The following SRBD1 variants were observed in gnomAD, a reference collection of about 807,000 sequenced individuals.
SRBD1 encodes S1 RNA binding domain 1.
In SRBD1, 88 loss-of-function variants were observed where a neutral mutation model predicts 115.3. That is an observed-to-expected ratio of 0.76 (90% CI 0.64 to 0.91). The LOEUF is 0.91. Ranked by LOEUF, SRBD1 falls within the 40% of genes least tolerant of loss-of-function variation. The probability of loss-of-function intolerance (pLI) is 0.00; values close to 1 mark genes in which losing one functional copy is unlikely to be tolerated. For synonymous variants in SRBD1, 509 were observed against 407.7 expected (o/e 1.25, Z -2.99); for missense variants, 1,385 against 1,177.4 (o/e 1.18, Z -2.58).
At chr2:45,485,846 T>C (rs562908236) in intron 15 of SRBD1, among the ~76,000 whole-genome samples, 70 of 152,014 alleles carry the variant, frequency 4.6e-4, no homozygotes, top group Non-Finnish European at 5.4e-4. Context: ...CAATGAGAAA[T>C]AGGAATTGAA....
chr2:45,477,697 G>C (rs1480106564), intron 15 of SRBD1, among the ~76,000 whole-genome samples: 1 of 152,146 alleles, frequency 6.6e-6, no homozygotes, highest in Admixed American at 6.6e-5. Flanking sequence ...TTAGAGGCAT[G>C]AGCTACTGCG....
At chr2:45,427,427 GAATATT>G (rs1322987058) in intron 16 of SRBD1, among the ~76,000 whole-genome samples, 2 of 146,358 alleles carry the variant, frequency 1.4e-5, no homozygotes, top group African/African-American at 5.1e-5. Context: ...AGGGATGGAG[GAATATT>G]TATCAAGCAA....
chr2:45,488,177 T>C (rs570308121), intron 15 of SRBD1, 63 bp downstream of exon 15: 46 of 1,376,862 alleles, frequency 3.3e-5, no homozygotes, highest in Non-Finnish European at 4.5e-5. Flanking sequence ...ATATTTAGCA[T>C]GCCACACATG....
intron 16 of SRBD1, among the ~76,000 whole-genome samples, chr2:45,443,890 T>C (rs1295128374): frequency 6.6e-6 from 1 of 151,810 alleles, no homozygotes; most frequent in Non-Finnish European, 1.5e-5. Flanking sequence ...GCATATCTAG[T>C]AATTTTCATC....
intron 16 of SRBD1, among the ~76,000 whole-genome samples, chr2:45,451,930 G>A (rs1277262868): frequency 6.6e-6 from 1 of 151,838 alleles, no homozygotes; most frequent in Non-Finnish European, 1.5e-5. Flanking sequence ...AATAAAAATT[G>A]TGGTTAAAAA....
In SRBD1 at chr2:45,418,360, C is replaced by G. The variant is rs754155999; in HGVS notation, c.2333+5G>C. 1.2e-6 allele frequency: 2 copies of G among 1,613,180 alleles called. No homozygotes were observed. Among genetic ancestry groups the G allele is most frequent in the African/African-American group, 2.7e-5 (2 of 74,950 alleles). On this transcript the variant is annotated splice_donor_5th_base_variant and intron_variant, in intron 18 of 20. Transcript: ENST00000263736. ...AATAGAATCAAAGTGTATACTTATA[C>G]TCACCTGCAAAACGTTCGGATATAA...
chr2:45,467,800 A>T (rs950031569), intron 16 of SRBD1, among the ~76,000 whole-genome samples: 1 of 152,160 alleles, frequency 6.6e-6, no homozygotes, highest in Non-Finnish European at 1.5e-5. Context: ...TTTTCTGATT[A>T]TAAGTAAATT....
At chr2:45,403,910 A>G (rs1667356821) in intron 19 of SRBD1, among the ~76,000 whole-genome samples, 2 of 152,020 alleles carry the variant, frequency 1.3e-5, no homozygotes, top group South Asian at 4.1e-4. Context: ...ATTTACTCTG[A>G]ATTTTGTTGA....
Position 45,449,135 on chromosome 2 carries a change from T to C in SRBD1, c.2049+27858A>G, listed in dbSNP as rs1054853726. 4.6e-5 allele frequency among the ~76,000 whole-genome samples: 7 copies of C among 152,342 alleles called. No individual in the cohort carries two copies. The South Asian group carries it at 1.4e-3, about 32-fold the overall frequency. ...TTTTTATTGAACATTTTCTTTACTT[T>C]TCCAGTTTTCAATGATTATAGGTAA... On this transcript the variant is annotated intron_variant, in intron 16 of 20. Transcript: ENST00000263736.
At chr2:45,546,500 G>A (rs1258347810) in intron 14 of SRBD1, 7 of 394,222 alleles carry the variant, frequency 1.8e-5, no homozygotes, top group Non-Finnish European at 2.4e-5. Flanking sequence ...GCCCTAACGT[G>A]CTGCTTCTGT....
At chr2:45,481,766 G>C (rs1413616593) in intron 15 of SRBD1, among the ~76,000 whole-genome samples, 1 of 152,074 alleles carries the variant, frequency 6.6e-6, no homozygotes, top group East Asian at 1.9e-4. Context: ...ACAATAGAAT[G>C]TTATTTGCCA....
intron 7 of SRBD1, among the ~76,000 whole-genome samples, chr2:45,578,124 T>C (rs1343380298): frequency 2.6e-5 from 4 of 152,028 alleles, no homozygotes; most frequent in Admixed American, 2.6e-4. Flanking sequence ...GTACCAAAGG[T>C]AGTGAGAAGT....
At chr2:45,525,843 C>T (rs528704498) in intron 14 of SRBD1, among the ~76,000 whole-genome samples, 2 of 152,038 alleles carry the variant, frequency 1.3e-5, no homozygotes, top group South Asian at 2.1e-4. Flanking sequence ...GAAATACATA[C>T]AAATTGCCAA....
intron 16 of SRBD1, among the ~76,000 whole-genome samples, chr2:45,475,831 T>G (rs1405720424): frequency 1.3e-5 from 2 of 152,174 alleles, no homozygotes; most frequent in African/African-American, 2.4e-5. Context: ...TCCACGTAGT[T>G]GGGACTACAG....
At chr2:45,456,651 A>ATTACATACAGTTG (rs1336940329) in intron 16 of SRBD1, among the ~76,000 whole-genome samples, 5 of 151,934 alleles carry the variant, frequency 3.3e-5, no homozygotes, top group Non-Finnish European at 7.4e-5. Flanking sequence ...ATAGCCCCAA[A>ATTACATACAGTTG]TTACATACAG....
chr2:45,585,582 G>C, intron 5 of SRBD1, 26 bp downstream of exon 5: 1 of 1,597,596 alleles, frequency 6.3e-7, no homozygotes, highest in Non-Finnish European at 8.5e-7. Flanking sequence ...CCTTACACTA[G>C]GCTTATTCTT....
chr2:45,562,297 G>A (rs1414380218), intron 10 of SRBD1, among the ~76,000 whole-genome samples: 2 of 151,962 alleles, frequency 1.3e-5, no homozygotes, highest in Admixed American at 6.6e-5. Context: ...GTGTGATCTC[G>A]GCTCACTGCA....
chr2:45,477,342 T>C (rs1246771605), intron 15 of SRBD1, among the ~76,000 whole-genome samples: 3 of 152,148 alleles, frequency 2.0e-5, no homozygotes, highest in Admixed American at 1.3e-4. Context: ...GAAAAACAAA[T>C]AAAACGTTTA....
Position 45,545,315 on chromosome 2 carries a change from A to AAAAAAAAAAAAAAAAAAAAAAAAAAAAAC in SRBD1, c.1874+1416_1874+1417insGTTTTTTTTTTTTTTTTTTTTTTTTTTTT, listed in dbSNP as rs1209226372. Among the ~76,000 whole-genome samples, 2 of 123,574 alleles carry AAAAAAAAAAAAAAAAAAAAAAAAAAAAAC rather than the reference A, an allele frequency of 1.6e-5. 1 individual carries two copies. Among genetic ancestry groups the AAAAAAAAAAAAAAAAAAAAAAAAAAAAAC allele is most frequent in the African/African-American group, 5.6e-5 (2 of 35,412 alleles). The allele number at this position is 123,574 out of a possible 152,430, so 81.1% of individuals were successfully genotyped here. A position where few individuals can be genotyped will look rare whatever the true frequency, so the allele number is the denominator to read the frequency against. ...AAAAAAAAAAAAAAAAAAAAAAAAA[A>AAAAAAAAAAAAAAAAAAAAAAAAAAAAAC]CAGATGAACCCAGATTTGTCTGACC... On this transcript the variant is annotated intron_variant, in intron 14 of 20. Transcript: ENST00000263736.
Sources: allele counts gnomAD v4.1 joint callset (sites outside exome capture counted in the v4.1 genomes callset), GRCh38; gene constraint gnomAD v4.1.1; transcripts MANE v1.5; gene names NCBI Gene and HGNC (gene_info 2026-07-23, HGNC 2026-07-21).